HTATIP2: variants seen among roughly 807,000 people sequenced by gnomAD.
HTATIP2 encodes HIV-1 Tat interactive protein 2.
A neutral mutation model predicts 24.7 loss-of-function variants in HTATIP2; 26 were observed. The ratio of observed to expected loss-of-function variants is 1.05; its 90% confidence interval spans 0.77 to 1.46. HTATIP2 has a LOEUF of 1.46. Among genes scored for constraint, HTATIP2 ranks in the 40% most tolerant of loss-of-function variants. The probability of loss-of-function intolerance (pLI) is 0.00; values close to 1 mark genes in which losing one functional copy is unlikely to be tolerated. For synonymous variants in HTATIP2, 99 were observed against 113.2 expected (o/e 0.87, Z 0.79); for missense variants, 284 against 289.6 (o/e 0.98, Z 0.14).
intron 1 of HTATIP2, among the ~76,000 whole-genome samples, chr11:20,365,711 C>T (rs1007824054): frequency 1.3e-5 from 2 of 152,088 alleles, no homozygotes; most frequent in African/African-American, 4.8e-5. Context: ...GTGGCTCATG[C>T]CTGTAATCCC....
Position 20,364,435 on chromosome 11 carries a change from G to A in HTATIP2, c.195+3G>A. The A allele has an allele frequency of 6.2e-7, 1 of 1,600,292 alleles. No individual in the cohort carries two copies. The highest frequency in any genetic ancestry group is 8.5e-7 in the Non-Finnish European group (1 of 1,170,780). ...ACGAGGAAGCTTATAAAAATGTGGTGGGTATTTCAGCTGGGACTCAAATGG... is the reference window on the plus strand; with the variant it reads ...ACGAGGAAGCTTATAAAAATGTGGTAGGTATTTCAGCTGGGACTCAAATGG... On this transcript the variant is annotated splice_donor_region_variant and intron_variant, in intron 1 of 4. Coordinates refer to ENST00000451739, the MANE Select transcript of HTATIP2 (RefSeq NM_001098522.2).
intron 2 of HTATIP2, among the ~76,000 whole-genome samples, chr11:20,375,701 T>G (rs1397588826): frequency 6.6e-6 from 1 of 152,202 alleles, no homozygotes; most frequent in Admixed American, 6.5e-5. Flanking sequence ...TCAGCTGTCT[T>G]GGGTTTGAAG....
chr11:20,369,206 C>T (rs1449082284), intron 2 of HTATIP2, among the ~76,000 whole-genome samples: 2 of 152,190 alleles, frequency 1.3e-5, no homozygotes, highest in African/African-American at 4.8e-5. Context: ...GATTTCCAAG[C>T]TTATCCCAGC....
intron 2 of HTATIP2, among the ~76,000 whole-genome samples, chr11:20,368,252 C>T (rs906548268): frequency 6.6e-6 from 1 of 152,076 alleles, no homozygotes; most frequent in Non-Finnish European, 1.5e-5. Context: ...GTTTATAAGC[C>T]AGACCCCTTC....
intron 3 of HTATIP2, among the ~76,000 whole-genome samples, chr11:20,380,263 C>G (rs899715624): frequency 6.6e-6 from 1 of 152,216 alleles, no homozygotes; most frequent in Non-Finnish European, 1.5e-5. Flanking sequence ...TCCAAGGTTG[C>G]AAGCACAAGC....
chr11:20,371,010 A>T (rs1393735096), intron 2 of HTATIP2, among the ~76,000 whole-genome samples: 3 of 152,176 alleles, frequency 2.0e-5, no homozygotes, highest in Non-Finnish European at 4.4e-5. Flanking sequence ...AAATATAAAA[A>T]CTTCAAATTT....
At chr11:20,374,789 T>C (rs1443469479) in intron 2 of HTATIP2, among the ~76,000 whole-genome samples, 3 of 152,224 alleles carry the variant, frequency 2.0e-5, no homozygotes, top group African/African-American at 7.2e-5. Context: ...ATTTTAATAA[T>C]GTGTTTGTTA....
chr11:20,370,416 G>C (rs2064759434), intron 2 of HTATIP2, among the ~76,000 whole-genome samples: 1 of 152,150 alleles, frequency 6.6e-6, no homozygotes, highest in Non-Finnish European at 1.5e-5. Flanking sequence ...CTTTTCATTT[G>C]TTTCCTCACC....
chr11:20,382,930 T>C, intron 4 of HTATIP2, 50 bp from the exon 5 acceptor site: 1 of 1,426,754 alleles, frequency 7.0e-7, no homozygotes, highest in Non-Finnish European at 9.5e-7. Flanking sequence ...CAGTGCAATT[T>C]ACCACCTCTT....
At chr11:20,378,297 A>G (rs1380179609) in intron 3 of HTATIP2, among the ~76,000 whole-genome samples, 2 of 152,178 alleles carry the variant, frequency 1.3e-5, no homozygotes, top group African/African-American at 4.8e-5. Context: ...CTTAAAAGGA[A>G]AAAATCTGTT....
At chr11:20,378,158 C>G (rs1848471387) in intron 3 of HTATIP2, among the ~76,000 whole-genome samples, 1 of 152,054 alleles carries the variant, frequency 6.6e-6, no homozygotes, top group South Asian at 2.1e-4. Context: ...TTTCACATGG[C>G]TTATAGCTGA....
At chr11:20,377,673 T>C (rs1451704975) in intron 3 of HTATIP2, among the ~76,000 whole-genome samples, 1 of 152,210 alleles carries the variant, frequency 6.6e-6, no homozygotes, top group Admixed American at 6.5e-5. Flanking sequence ...CTTAAATATC[T>C]CCAGCACTAC....
chr11:20,382,956 CTTT>C (rs201853886), intron 4 of HTATIP2, 21 bp from the exon 5 acceptor site: 318 of 1,255,928 alleles, frequency 2.5e-4, no homozygotes, highest in East Asian at 1.1e-3. Flanking sequence ...GCTTTTCTTT[CTTT>C]TTTTTTTTTT....
chr11:20,382,130 G>A, intron 3 of HTATIP2, 48 bp from the exon 4 acceptor site: 1 of 1,128,806 alleles, frequency 8.9e-7, no homozygotes, highest in South Asian at 1.2e-5. Flanking sequence ...ACTTCACACA[G>A]GTGAGCTGGT....
intron 2 of HTATIP2, among the ~76,000 whole-genome samples, chr11:20,374,842 TTTG>T (rs935834410): frequency 1.2e-4 from 19 of 152,198 alleles, no homozygotes; most frequent in African/African-American, 4.1e-4. Context: ...ATTCAGTTTT[TTTG>T]TTGTTGTTGT....
chr11:20,381,262 C>T (rs1848517815), intron 3 of HTATIP2, among the ~76,000 whole-genome samples: 1 of 151,850 alleles, frequency 6.6e-6, no homozygotes, highest in Non-Finnish European at 1.5e-5. Flanking sequence ...AACATGGTGA[C>T]AACCCCGTCA....
intron 1 of HTATIP2, among the ~76,000 whole-genome samples, chr11:20,366,187 C>T (rs1426330195): frequency 6.7e-5 from 10 of 148,724 alleles, no homozygotes; most frequent in African/African-American, 2.0e-4. Flanking sequence ...CTGCAAGCTC[C>T]GCTTCCTGGG....
chr11:20,382,360 G>A, intron 4 of HTATIP2, 121 bp downstream of exon 4: 3 of 607,748 alleles, frequency 4.9e-6, no homozygotes, highest in South Asian at 2.2e-5. Flanking sequence ...ATTGGCTAGA[G>A]GTAGATTGCT....
chr11:20,374,584 G>A lies in HTATIP2; in HGVS notation c.304-1996G>A, dbSNP rs373592193. 5.3e-5 allele frequency among the ~76,000 whole-genome samples: 8 copies of A among 152,304 alleles called. No homozygotes were observed. In the East Asian group the frequency reaches 5.8e-4, roughly 11 times the overall value. ...GCCCTTCTTAGGTTGCATTACTCCAGCCTGCTCTTCTGCCTCGTTCTTTTA... is the reference window on the plus strand; with the variant it reads ...GCCCTTCTTAGGTTGCATTACTCCAACCTGCTCTTCTGCCTCGTTCTTTTA... On this transcript the variant is annotated intron_variant, in intron 2 of 4. Coordinates refer to ENST00000451739, the MANE Select transcript of HTATIP2 (RefSeq NM_001098522.2).
Sources: gnomAD v4.1 joint callset for allele counts (sites outside exome capture counted in the v4.1 genomes callset) on GRCh38, gnomAD v4.1.1 for gene constraint, MANE v1.5 for transcripts, NCBI Gene and HGNC (gene_info 2026-07-23, HGNC 2026-07-21) for gene names.